Variants in SP100 observed in about 807,000 individuals in gnomAD.
SP100 encodes the protein SP100 nuclear body protein.
In SP100, 84 loss-of-function variants were observed where a neutral mutation model predicts 130.0. That is an observed-to-expected ratio of 0.65 (90% CI 0.54 to 0.77). SP100 has a LOEUF of 0.77. SP100 is among the 30% of genes least tolerant of loss of function. The probability of loss-of-function intolerance (pLI) is 0.00; values close to 1 mark genes in which losing one functional copy is unlikely to be tolerated. For missense variants in SP100, 978 were observed against 1,052.2 expected (o/e 0.93, Z 0.97); for synonymous variants, 331 against 351.7 (o/e 0.94, Z 0.66).
intron 2 of SP100, among the ~76,000 whole-genome samples, chr2:230,435,034 G>A (rs558920413): frequency 1.3e-5 from 2 of 152,312 alleles, no homozygotes; most frequent in East Asian, 1.9e-4. Context: ...TTCCAAAAGT[G>A]GATCTGCATG....
chr2:230,528,061 G>T (rs888528214), intron 24 of SP100, among the ~76,000 whole-genome samples: 4 of 152,196 alleles, frequency 2.6e-5, no homozygotes, highest in African/African-American at 7.2e-5. Flanking sequence ...CTTGAACTCA[G>T]CTCTGGACCA....
chr2:230,506,191 T>A, intron 21 of SP100, 112 bp from the exon 22 acceptor site: 1 of 1,120,280 alleles, frequency 8.9e-7, no homozygotes, highest in South Asian at 1.5e-5. Flanking sequence ...AAATTCAGAC[T>A]TTACTGCTAC....
chr2:230,416,807 A>G (rs887974379), intron 1 of SP100: 2 of 985,822 alleles, frequency 2.0e-6, no homozygotes, highest in Non-Finnish European at 2.4e-6. Context: ...GGCTGTTCCC[A>G]TGACTGGCTC....
At chr2:230,522,158 A>G (rs921211533) in intron 24 of SP100, among the ~76,000 whole-genome samples, 1 of 152,102 alleles carries the variant, frequency 6.6e-6, no homozygotes, top group Non-Finnish European at 1.5e-5. Context: ...AAAAAGCCCA[A>G]CCGATGGAGA....
In SP100 at chr2:230,469,094, G is replaced by T; in HGVS notation, c.1343G>T (p.Arg448Ile). The T allele has an allele frequency of 6.3e-7, 1 of 1,590,916 alleles. No individual in the cohort carries two copies. Among genetic ancestry groups the T allele is most frequent in the Non-Finnish European group, 8.6e-7 (1 of 1,161,372 alleles). ...ACTTGGAGAATACCCAGCAGGAAGAGACGTAAGAGCAATTAAAAACTCTTG... is the reference window on the plus strand; with the variant it reads ...ACTTGGAGAATACCCAGCAGGAAGATACGTAAGAGCAATTAAAAACTCTTG... The part of the protein sequence containing the change: ...TSTWRIPSRK[R>I]RFSSSDFSDL... The change falls in exon 14 of 29, where the codon AGA (arginine) becomes ATA (isoleucine). Residue 448 changes from arginine (R) to isoleucine (I), a missense_variant and splice_region_variant. By Grantham distance (97) the Arg-to-Ile change is moderately conservative. Transcript: ENST00000340126.
At chr2:230,529,131 GA>G (rs1691575629) in intron 24 of SP100, among the ~76,000 whole-genome samples, 1 of 152,094 alleles carries the variant, frequency 6.6e-6, no homozygotes, top group African/African-American at 2.4e-5. Context: ...CAAAAAAAGA[GA>G]ATTTTGGGCC....
rs918524470 is a variant in SP100 at position 230,507,087 on chromosome 2, TA to T, written c.2013+652del. The T allele has an allele frequency of 1.9e-4, 28 of 148,988 alleles. No individual in the cohort carries two copies. In the East Asian group the frequency reaches 2.9e-3, roughly 16 times the overall value. The allele number at this position is 148,988 out of a possible 1,614,324, so 9.2% of individuals were successfully genotyped here. ...TCCTTCCTCATGCCACTCTAACAAT[TA>T]AAAAAAAAATCTGCCAGGCACAGTT... On this transcript the variant is annotated intron_variant, in intron 22 of 28. Coordinates refer to ENST00000340126, the MANE Select transcript of SP100 (RefSeq NM_001080391.2).
chr2:230,487,454 T>C (rs1437479391), intron 17 of SP100, among the ~76,000 whole-genome samples: 12 of 152,236 alleles, frequency 7.9e-5, no homozygotes, highest in African/African-American at 2.7e-4. Context: ...CTTGTCTTTG[T>C]CAGGTTTGTC....
intron 24 of SP100, among the ~76,000 whole-genome samples, chr2:230,522,965 C>A (rs1448521821): frequency 6.6e-6 from 1 of 151,954 alleles, no homozygotes; most frequent in African/African-American, 2.4e-5. Flanking sequence ...CAGGCACCCA[C>A]CAGCATGCCC....
chr2:230,508,311 C>CTT (rs10636838), intron 23 of SP100: 5,802 of 147,568 alleles, frequency 0.039, 98 homozygotes, highest in African/African-American at 0.061. Context: ...AAATGCCATA[C>CTT]TTTTTTTTTT....
intron 2 of SP100, among the ~76,000 whole-genome samples, chr2:230,437,234 A>G (rs1401894998): frequency 6.6e-6 from 1 of 152,018 alleles, no homozygotes; most frequent in Non-Finnish European, 1.5e-5. Context: ...TTCTCCTTTT[A>G]TTTATTGGTA....
At chr2:230,429,248 T>C (rs2063030247) in intron 2 of SP100, among the ~76,000 whole-genome samples, 1 of 152,216 alleles carries the variant, frequency 6.6e-6, no homozygotes, top group Non-Finnish European at 1.5e-5. Flanking sequence ...AGAGTTTCTA[T>C]TCTTTCAGCA....
intron 24 of SP100, chr2:230,515,663 T>C (rs1690878018): frequency 6.3e-7 from 1 of 1,585,564 alleles, no homozygotes; most frequent in Non-Finnish European, 8.5e-7. Context: ...GCAGTTTTTT[T>C]CTTGTCTATA....
intron 17 of SP100, among the ~76,000 whole-genome samples, chr2:230,479,969 C>G (rs1453342347): frequency 2.0e-5 from 3 of 152,176 alleles, no homozygotes; most frequent in Non-Finnish European, 4.4e-5. Context: ...TTTTGTCAGG[C>G]CTCTCCTCAA....
At chr2:230,495,516 C>T (rs555349256) in intron 18 of SP100, among the ~76,000 whole-genome samples, 31 of 152,204 alleles carry the variant, frequency 2.0e-4, no homozygotes, top group South Asian at 6.2e-4. Flanking sequence ...GACAGGGTTT[C>T]GCCATGTTGG....
chr2:230,531,091 A>C (rs1691678283), intron 24 of SP100, among the ~76,000 whole-genome samples: 1 of 152,240 alleles, frequency 6.6e-6, no homozygotes, highest in Admixed American at 6.5e-5. Context: ...AGGATTATAA[A>C]TCATGCTACT....
chr2:230,466,986 A>G (rs201526421), intron 12 of SP100, 134 bp from the exon 13 acceptor site: 2 of 666,408 alleles, frequency 3.0e-6, no homozygotes, highest in South Asian at 1.7e-5. Context: ...TGGAGGTTTG[A>G]GGCACGGACA....
At chr2:230,421,504 C>CATATATATATATATATATATAT (rs55963279) in intron 2 of SP100, among the ~76,000 whole-genome samples, 1 of 146,224 alleles carries the variant, frequency 6.8e-6, no homozygotes, top group African/African-American at 2.5e-5. Context: ...AGAAGATATA[C>CATATATATATATATATATATAT]ATATATATAT....
chr2:230,488,732 G>A, intron 17 of SP100, among the ~76,000 whole-genome samples: 1 of 152,110 alleles, frequency 6.6e-6, no homozygotes, highest in Middle Eastern at 3.4e-3. Flanking sequence ...TAACATGAAG[G>A]GATGTTGAAT....
Sources: allele counts gnomAD v4.1 joint callset (sites outside exome capture counted in the v4.1 genomes callset), GRCh38; gene constraint gnomAD v4.1.1; transcripts MANE v1.5; gene names NCBI Gene and HGNC (gene_info 2026-07-23, HGNC 2026-07-21).